Variants in RORA observed in about 807,000 individuals in gnomAD.
RORA encodes the protein RAR related orphan receptor A.
A neutral mutation model predicts 69.5 loss-of-function variants in RORA; 7 were observed. That is an observed-to-expected ratio of 0.10 (90% CI 0.06 to 0.19). The LOEUF is 0.19. Among genes scored for constraint, RORA ranks in the 10% least tolerant of loss-of-function variants. The pLI is 1.00. For synonymous variants in RORA, 261 were observed against 240.8 expected (o/e 1.08, Z -0.78); for missense variants, 457 against 663.0 (o/e 0.69, Z 3.41).
intron 1 of RORA, among the ~76,000 whole-genome samples, chr15:60,757,325 C>T (rs753379950): frequency 1.3e-5 from 2 of 152,144 alleles, no homozygotes; most frequent in Non-Finnish European, 2.9e-5. Context: ...TCAGGTCTCT[C>T]TATTCTACAC....
intron 1 of RORA, among the ~76,000 whole-genome samples, chr15:61,189,877 A>AC (rs1314243804): frequency 6.0e-5 from 9 of 149,928 alleles, no homozygotes; most frequent in African/African-American, 2.2e-4. Context: ...AAAAAAAAAA[A>AC]AAAAACCACA....
At chr15:60,979,798 T>C (rs1342570102) in intron 1 of RORA, among the ~76,000 whole-genome samples, 1 of 152,130 alleles carries the variant, frequency 6.6e-6, no homozygotes, top group Non-Finnish European at 1.5e-5. Flanking sequence ...CATCCACTAA[T>C]AGAGGTAGTT....
intron 1 of RORA, among the ~76,000 whole-genome samples, chr15:60,875,719 G>C (rs557959622): frequency 6.6e-6 from 1 of 152,176 alleles, no homozygotes; most frequent in African/African-American, 2.4e-5. Flanking sequence ...GAGGATACCA[G>C]TGGAAATCAC....
chr15:61,037,816 C>T (rs1246952837), intron 1 of RORA, among the ~76,000 whole-genome samples: 1 of 152,096 alleles, frequency 6.6e-6, no homozygotes, highest in Non-Finnish European at 1.5e-5. Context: ...TGGAAGAAGG[C>T]CATGCGAACA....
intron 2 of RORA, among the ~76,000 whole-genome samples, chr15:60,640,143 C>T (rs2069916978): frequency 1.3e-5 from 2 of 152,192 alleles, no homozygotes; most frequent in South Asian, 2.1e-4. Context: ...ATTCCTCTCG[C>T]AGCATCACTA....
intron 1 of RORA, among the ~76,000 whole-genome samples, chr15:60,981,834 C>CT (rs78522944): frequency 0.25 from 37,268 of 147,496 alleles, 4,932 homozygotes; most frequent in African/African-American, 0.3. Context: ...CTGTTGATTG[C>CT]TTTTTTTTTT....
At chr15:60,558,310 GA>G (rs2067429851) in intron 2 of RORA, 8 of 1,600,588 alleles carry the variant, frequency 5.0e-6, no homozygotes, top group African/African-American at 2.7e-5. Flanking sequence ...TTCATCCCTG[GA>G]ACGAAAATGA....
At chr15:60,994,721 C>T (rs1894475797) in intron 1 of RORA, among the ~76,000 whole-genome samples, 1 of 152,182 alleles carries the variant, frequency 6.6e-6, no homozygotes, top group South Asian at 2.1e-4. Flanking sequence ...GGTGAGAGGG[C>T]ACTGTAGGTG....
intron 1 of RORA, among the ~76,000 whole-genome samples, chr15:61,137,592 G>C (rs957688240): frequency 2.6e-5 from 4 of 152,180 alleles, no homozygotes; most frequent in Non-Finnish European, 5.9e-5. Context: ...ACTGTGCTGG[G>C]CCGTTCCTAA....
At chr15:60,904,357 TG>T (rs1249532937) in intron 1 of RORA, among the ~76,000 whole-genome samples, 2 of 151,970 alleles carry the variant, frequency 1.3e-5, no homozygotes, top group Admixed American at 1.3e-4. Context: ...GTTGGGGAGG[TG>T]AACTTGAACT....
At chr15:60,884,677 G>T (rs951341948) in intron 1 of RORA, among the ~76,000 whole-genome samples, 2 of 152,174 alleles carry the variant, frequency 1.3e-5, no homozygotes, top group Admixed American at 1.3e-4. Context: ...TACTGAAGTG[G>T]TCTGGAGTTT....
At chr15:60,761,550 C>T (rs926420860) in intron 1 of RORA, among the ~76,000 whole-genome samples, 2 of 152,100 alleles carry the variant, frequency 1.3e-5, no homozygotes, top group African/African-American at 2.4e-5. Context: ...TTTCTACTTT[C>T]AAGCTCTTGC....
At chr15:61,008,981 G>T (rs1789257224) in intron 1 of RORA, among the ~76,000 whole-genome samples, 1 of 152,144 alleles carries the variant, frequency 6.6e-6, no homozygotes, top group Non-Finnish European at 1.5e-5. Flanking sequence ...ACCTCTGATA[G>T]GATAAACATC....
At chr15:60,796,013 AT>A (rs1162333925) in intron 1 of RORA, among the ~76,000 whole-genome samples, 1 of 152,228 alleles carries the variant, frequency 6.6e-6, no homozygotes, top group African/African-American at 2.4e-5. Context: ...AACCATCATC[AT>A]TATAACATTT....
intron 1 of RORA, among the ~76,000 whole-genome samples, chr15:60,736,379 A>G (rs1437107213): frequency 6.6e-6 from 1 of 152,186 alleles, no homozygotes; most frequent in African/African-American, 2.4e-5. Context: ...CCAACTAGCA[A>G]TAATCAGGAA....
intron 1 of RORA, among the ~76,000 whole-genome samples, chr15:60,896,732 CTTT>C (rs66780614): frequency 0.35 from 40,569 of 116,572 alleles, 5,244 homozygotes; most frequent in South Asian, 0.47. Flanking sequence ...GAGAATTTAG[CTTT>C]TTTTTTTTTT....
At chr15:61,181,045 A>C in intron 1 of RORA, among the ~76,000 whole-genome samples, 1 of 151,088 alleles carries the variant, frequency 6.6e-6, no homozygotes, top group East Asian at 2.0e-4. Flanking sequence ...CAGAGCTTGC[A>C]GTAAGCCGAG....
intron 1 of RORA, among the ~76,000 whole-genome samples, chr15:60,868,963 A>C (rs1321122355): frequency 6.6e-6 from 1 of 152,164 alleles, no homozygotes; most frequent in Non-Finnish European, 1.5e-5. Context: ...TACACTTCAA[A>C]CAAGGAAGCT....
intron 2 of RORA, among the ~76,000 whole-genome samples, chr15:60,663,760 A>G (rs563756539): frequency 6.6e-6 from 1 of 152,288 alleles, no homozygotes; most frequent in Admixed American, 6.5e-5. Flanking sequence ...TGGCCACAAT[A>G]TGAGAAATTT....
Sources: allele counts gnomAD v4.1 joint callset (sites outside exome capture counted in the v4.1 genomes callset), GRCh38; gene constraint gnomAD v4.1.1; transcripts MANE v1.5; gene names NCBI Gene and HGNC (gene_info 2026-07-23, HGNC 2026-07-21).